DENND4B: variants seen among roughly 807,000 people sequenced by gnomAD.
The protein encoded by DENND4B is DENN domain-containing protein 4B.
Under a neutral mutation model 161.0 loss-of-function variants are expected in DENND4B, and 67 were observed. That is an observed-to-expected ratio of 0.42 (90% CI 0.34 to 0.51). DENND4B has a LOEUF of 0.51. Ranked by LOEUF, DENND4B falls within the 20% of genes least tolerant of loss-of-function variation. The pLI, the probability that DENND4B is intolerant of heterozygous loss-of-function variation, is 0.08. For missense variants in DENND4B, 1,481 were observed against 1,968.0 expected (o/e 0.75, Z 4.68); for synonymous variants, 753 against 813.8 (o/e 0.93, Z 1.27).
chr1:153,934,029 A>C lies in DENND4B; in HGVS notation c.2941+106T>G. The C allele has an allele frequency of 6.8e-7, 1 of 1,463,670 alleles. No individual in the cohort carries two copies. Among genetic ancestry groups the C allele is most frequent in the Non-Finnish European group, 9.1e-7 (1 of 1,104,162 alleles). The allele number at this position is 1,463,670 out of a possible 1,614,324, so 90.7% of individuals were successfully genotyped here. On this transcript the variant is annotated intron_variant, in intron 19 of 27. Transcript: ENST00000361217. This position sits in a 1 kb window ranked among gnomAD's most constrained non-coding sequence, Gnocchi z 5.3. Reference sequence around the variant, plus strand: ...GATTCCCTCAGAATCTACAGCACCCACCACAGAGGGCCGCCCTCCACTCTG... The same window carrying C: ...GATTCCCTCAGAATCTACAGCACCCCCCACAGAGGGCCGCCCTCCACTCTG...
Position 153,942,353 on chromosome 1 carries a change from A to G in DENND4B, c.644T>C (p.Leu215Pro). ...GTCCTCCTCCGGGTAGCGGCCCAGC[A>G]GCTCTGCACCCCCAGCATAGTTGGG... ...KANTLVYEAE[L>P]LGRYPEEDNE... The change falls in exon 5 of 28, where the codon CTG (leucine) becomes CCG (proline). Residue 215 changes from leucine (L) to proline (P), a missense_variant. Transcript: ENST00000361217. This position sits in a 1 kb window ranked among gnomAD's most constrained non-coding sequence, Gnocchi z 6.9. The G allele has an allele frequency of 6.2e-7, 1 of 1,610,710 alleles. No homozygotes were observed. Among genetic ancestry groups the G allele is most frequent in the Non-Finnish European group, 8.5e-7 (1 of 1,178,020 alleles).
rs1448041248 is a variant in DENND4B at position 153,930,857 on chromosome 1, C to T, written c.4115G>A (p.Ser1372Asn). ...CCATACCACCCGCTGGGGGATCTGGCCTGGATGAAAGGAAAGAAGGCCACC... is the reference window on the plus strand; with the variant it reads ...CCATACCACCCGCTGGGGGATCTGGTCTGGATGAAAGGAAAGAAGGCCACC... ...PPLYVLWRVH[S>N]QIPQRVVWPG... Residue 1372 changes from serine (S) to asparagine (N), a missense_variant and splice_region_variant, in exon 26 of 28, where the codon AGC (serine) becomes AAC (asparagine). Coordinates refer to ENST00000361217, the MANE Select transcript of DENND4B (RefSeq NM_014856.3). The surrounding 1 kb of genome is among the most constrained non-coding windows in gnomAD (Gnocchi z 4.7). The T allele has an allele frequency of 6.3e-7, 1 of 1,596,522 alleles. No individual in the cohort carries two copies. Among genetic ancestry groups the T allele is most frequent in the East Asian group, 2.3e-5 (1 of 44,296 alleles).
At chr1:153,945,245 A>T in intron 1 of DENND4B, 1 of 1,137,424 alleles carries the variant, frequency 8.8e-7, no homozygotes, top group South Asian at 1.3e-5. Context: ...GGGGCCCAGA[A>T]GCGTGGGGGG....
rs903143403 is a variant in DENND4B, at chr1:153,946,349, G to A, written c.-72C>T. 2.7e-6 allele frequency: 1 copy of A among 373,602 alleles called. No homozygotes were observed. The highest frequency in any genetic ancestry group is 4.8e-6 in the Non-Finnish European group (1 of 209,784). The allele number at this position is 373,602 out of a possible 1,614,324, so 23.1% of individuals were successfully genotyped here. ...CGGCCCGCTGGCGGGTGGCTCGGAGGGCGAGCTGGCGGGCCGGCGGGCGGC... is the reference window on the plus strand; with the variant it reads ...CGGCCCGCTGGCGGGTGGCTCGGAGAGCGAGCTGGCGGGCCGGCGGGCGGC... On this transcript the variant is annotated 5_prime_UTR_variant, in exon 1 of 28. Transcript: ENST00000361217. This position sits in a 1 kb window ranked among gnomAD's most constrained non-coding sequence, Gnocchi z 6.3.
chr1:153,934,892 C>A lies in DENND4B; in HGVS notation c.2641G>T (p.Val881Phe). Residue 881 changes from valine to phenylalanine, a missense_variant, in exon 18 of 28, where the codon GTC becomes TTC. Val to Phe is a conservative substitution (Grantham distance 50). Around this residue, in one of 3 missense-constraint regions of DENND4B, gnomAD observed 339 missense variants for 330.3 expected, o/e 1.03. Coordinates refer to ENST00000361217, the MANE Select transcript of DENND4B (RefSeq NM_014856.3). The surrounding 1 kb of genome is among the most constrained non-coding windows in gnomAD (Gnocchi z 5.3). ...RLRWAKLRNV[V>F]LGAAQFRQPL... is the part of the protein sequence containing the mutation. ...TGGCGGAACTGAGCAGCCCCCAGGA[C>A]AACATTCCGGAGCTTGGCCCAGCGC... is the stretch of plus-strand genomic sequence containing the variant. 2 of 1,613,714 alleles carry A rather than the reference C, an allele frequency of 1.2e-6. No homozygotes were observed. The highest frequency in any genetic ancestry group is 1.7e-6 in the Non-Finnish European group (2 of 1,179,900).
chr1:153,939,545 C>G (rs1185244490), intron 12 of DENND4B, 44 bp downstream of exon 12: 1 of 1,556,884 alleles, frequency 6.4e-7, no homozygotes, highest in African/African-American at 1.4e-5. Context: ...CCCTCGCCAC[C>G]TCCTCCCATG....
chr1:153,943,738 T>C (rs967253801), intron 2 of DENND4B, among the ~76,000 whole-genome samples: 4 of 150,308 alleles, frequency 2.7e-5, no homozygotes, highest in African/African-American at 9.8e-5. Flanking sequence ...CTCTGTTAAG[T>C]CTGTCACATG....
rs1483955300 is a variant in DENND4B, at chr1:153,944,681, C to T, written c.-23-284G>A. Among the ~76,000 whole-genome samples, 1 of 152,208 alleles carries T rather than the reference C, an allele frequency of 6.6e-6. No homozygotes were observed. On this transcript the variant is annotated intron_variant, in intron 1 of 27. Transcript: ENST00000361217. The surrounding 1 kb of genome is among the most constrained non-coding windows in gnomAD (Gnocchi z 4.8). The stretch of plus-strand genomic sequence containing the variant: ...TGACATTCACATTGTCCATGTGTCC[C>T]TTTTAAAGGCTCACCAGTTATAACA...
rs1209233642 is a variant in DENND4B, at chr1:153,930,823, A to T, written c.4149T>A (p.Pro1383=). The change falls in exon 26 of 28, where the codon CCT becomes CCA. Residue 1383 remains proline (P), a synonymous_variant. Transcript: ENST00000361217. This position sits in a 1 kb window ranked among gnomAD's most constrained non-coding sequence, Gnocchi z 4.7. ...GTGCCAAACTAAGGGATGCAGGTAC[A>T]GGGCCTGGCCATACCACCCGCTGGG... ...QIPQRVVWPG[P]VPASLSLALL... The T allele has an allele frequency of 1.2e-6, 2 of 1,603,598 alleles. No individual in the cohort carries two copies. The highest frequency in any genetic ancestry group is 2.2e-5 in the South Asian group (2 of 89,200).
rs1679747082 is a variant in DENND4B, at chr1:153,942,717, G to C, written c.571-92C>G. ...CTCTACCACCCCTAAATGTTCTTTT[G>C]TCTTTAAAGCTCCCATTAATCCCAG... On this transcript the variant is annotated intron_variant, in intron 3 of 27. Transcript: ENST00000361217. This position sits in a 1 kb window ranked among gnomAD's most constrained non-coding sequence, Gnocchi z 6.9. 5.4e-6 allele frequency: 8 copies of C among 1,479,794 alleles called. No homozygotes were observed. The highest frequency in any genetic ancestry group is 6.3e-6 in the Non-Finnish European group (7 of 1,112,164). The allele number at this position is 1,479,794 out of a possible 1,614,324, so 91.7% of individuals were successfully genotyped here. A position where few individuals can be genotyped will look rare whatever the true frequency, so the allele number is the denominator to read the frequency against.
Position 153,939,654 on chromosome 1 carries a change from AG to A in DENND4B, c.1753del (p.Leu585CysfsTer84). On this transcript the variant is annotated frameshift_variant, in exon 12 of 28. Coordinates refer to ENST00000361217, the MANE Select transcript of DENND4B (RefSeq NM_014856.3). LOFTEE classifies it high-confidence loss of function. The stretch of plus-strand genomic sequence containing the variant: ...GGAGGGGGCCTGGGTGAGTGGGCGC[AG>A]GAAGACCCGGTAGCCCTTGAGCAGA... Reference protein sequence around the residue: ...ACLLKGYRVFLRPLTQAPSEG... With the variant: ...ACLLKGYRVFXRPLTQAPSEG... The A allele has an allele frequency of 6.2e-7, 1 of 1,613,770 alleles. No homozygotes were observed. The highest frequency in any genetic ancestry group is 1.7e-4 in the Middle Eastern group (1 of 6,060).
At position 153,939,059 on chromosome 1, in the gene DENND4B, G is replaced by C; in HGVS notation, c.1820-14C>G. 1 of 1,610,604 alleles carries C rather than the reference G, an allele frequency of 6.2e-7. No homozygotes were observed. The highest frequency in any genetic ancestry group is 8.5e-7 in the Non-Finnish European group (1 of 1,178,622). ...ATTTGAGGAAGCCTGAGGGGTATGA[G>C]AATGGGGCAGAGGAGGGGTGTGACC... On this transcript the variant is annotated splice_polypyrimidine_tract_variant and intron_variant, in intron 12 of 27. Coordinates refer to ENST00000361217, the MANE Select transcript of DENND4B (RefSeq NM_014856.3).
rs1571052506 is a variant in DENND4B, at chr1:153,940,313, T to C, written c.1503-57A>G. 1 of 1,560,096 alleles carries C rather than the reference T, an allele frequency of 6.4e-7. No homozygotes were observed. Among genetic ancestry groups the C allele is most frequent in the Non-Finnish European group, 8.7e-7 (1 of 1,149,526 alleles). On this transcript the variant is annotated intron_variant, in intron 10 of 27. Transcript: ENST00000361217. The surrounding 1 kb of genome is among the most constrained non-coding windows in gnomAD (Gnocchi z 5.6). ...GAGGCTCTGGGATAGGGTGACGGGGTTCCTTGCCAGCCTCCCTCACTTTGT... is the reference window on the plus strand; with the variant it reads ...GAGGCTCTGGGATAGGGTGACGGGGCTCCTTGCCAGCCTCCCTCACTTTGT...
At position 153,937,524 on chromosome 1, in the gene DENND4B, G is replaced by A. The variant is rs770581905; in HGVS notation, c.2196C>T (p.Ser732=). The A allele has an allele frequency of 4.6e-5, 73 of 1,595,820 alleles. No individual in the cohort carries two copies. Among genetic ancestry groups the A allele is most frequent in the Admixed American group, 7.2e-5 (4 of 55,624 alleles). ...GGCGAGGAGCAGGACTGCTGGGGGC[G>A]CTACGGGAAGGGCCTGGCACAGGCA... ...GALPVPGPSR[S]APSSPAPRRT... The change falls in exon 15 of 28, where the codon AGC becomes AGT. Residue 732 remains serine (S), a synonymous_variant. Transcript: ENST00000361217. The surrounding 1 kb of genome is among the most constrained non-coding windows in gnomAD (Gnocchi z 4.7).
chr1:153,941,775 G>GGGGGGGGGGC, intron 6 of DENND4B, 94 bp downstream of exon 6: 2 of 1,338,172 alleles, frequency 1.5e-6, no homozygotes, highest in Non-Finnish European at 2.1e-6. Context: ...CCTGTGCCCA[G>GGGGGGGGGGC]CCCTCCCCCC....
At chr1:153,941,788 C>CCCCCGCGG in intron 6 of DENND4B, 81 bp downstream of exon 6, 1 of 1,291,400 alleles carries the variant, frequency 7.7e-7, no homozygotes, top group Non-Finnish European at 1.1e-6. Flanking sequence ...CTCCCCCCAC[C>CCCCCGCGG]CACATCTGAA....
intron 17 of DENND4B, chr1:153,935,684 G>A (rs900045408): frequency 1.8e-5 from 4 of 226,240 alleles, no homozygotes; most frequent in East Asian, 1.3e-4. Context: ...TCTTTGCTGC[G>A]GGACCTTGGA....
chr1:153,933,550 G>C lies in DENND4B; in HGVS notation c.3263C>G (p.Pro1088Arg), dbSNP rs772860549. Residue 1088 changes from proline to arginine, a missense_variant, in exon 20 of 28, where the codon CCA becomes CGA. Physicochemically the swap from Pro to Arg is moderately radical, Grantham distance 103. Transcript: ENST00000361217. The surrounding 1 kb of genome is among the most constrained non-coding windows in gnomAD (Gnocchi z 5.7). Reference sequence around the variant, plus strand: ...ACTGTCCATGGGGCTGCGGCGGGCTGGGGGTGGCAGGTCAGGAGGCAGCTC... The same window carrying C: ...ACTGTCCATGGGGCTGCGGCGGGCTCGGGGTGGCAGGTCAGGAGGCAGCTC... ...PPELPPDLPP[P>R]ARRSPMDSLL... 3 of 1,549,438 alleles carry C rather than the reference G, an allele frequency of 1.9e-6. No homozygotes were observed. In the African/African-American group the frequency reaches 4.1e-5, roughly 21 times the overall value.
At chr1:153,931,623 G>A (rs867538610) in intron 24 of DENND4B, among the ~76,000 whole-genome samples, 1 of 150,292 alleles carries the variant, frequency 6.7e-6, no homozygotes, top group Admixed American at 6.7e-5. Context: ...TCAGCCTCCC[G>A]AGTAGCTGGG....
Sources: allele counts gnomAD v4.1 joint callset (sites outside exome capture counted in the v4.1 genomes callset), GRCh38; gene constraint gnomAD v4.1.1; regional missense constraint gnomAD v4.1.1; non-coding constraint Gnocchi (gnomAD v3.1); transcripts MANE v1.5; gene names NCBI Gene and HGNC (gene_info 2026-07-23, HGNC 2026-07-21).